GNLY: variants seen among roughly 807,000 people sequenced by gnomAD.
The protein encoded by GNLY is granulysin, also known as T-cell activation protein 519.
GNLY carries 15 observed loss-of-function variants against 18.5 expected under a neutral mutation model. The observed-to-expected ratio is 0.81, with a 90% CI of 0.54 to 1.25. The LOEUF (loss-of-function observed/expected upper bound fraction) is 1.25, where lower values mean the gene tolerates loss of function less well. GNLY is among the 50% of genes most tolerant of loss of function. The probability of loss-of-function intolerance (pLI) is 0.00; values close to 1 mark genes in which losing one functional copy is unlikely to be tolerated. For missense variants in GNLY, 178 were observed against 186.9 expected, an observed-to-expected ratio of 0.95 and a Z score of 0.28; for synonymous variants, 77 against 74.9, an observed-to-expected ratio of 1.03 and a Z score of -0.14.
At chr2:85,698,350 G>A (rs1222682395) in intron 4 of GNLY, 2 of 764,250 alleles carry the variant, frequency 2.6e-6, no homozygotes, top group South Asian at 2.9e-5. Flanking sequence ...GCAGATCGGG[G>A]GTCCCCACCA....
chr2:85,697,766 A>G, intron 4 of GNLY, 89 bp downstream of exon 4: 2 of 859,648 alleles, frequency 2.3e-6, no homozygotes, highest in Non-Finnish European at 3.8e-6. Flanking sequence ...TTACTCCCCC[A>G]TCTCCCAGCT....
intron 4 of GNLY, among the ~76,000 whole-genome samples, chr2:85,698,003 A>G (rs564541997): frequency 3.3e-5 from 5 of 152,358 alleles, no homozygotes; most frequent in African/African-American, 1.2e-4. Flanking sequence ...TGAGAATTGA[A>G]GGAGGTCACC....
At chr2:85,696,104 G>T in intron 3 of GNLY, 48 bp downstream of exon 3, 1 of 1,097,134 alleles carries the variant, frequency 9.1e-7, no homozygotes, top group East Asian at 2.4e-5. Context: ...TCAATGGAGG[G>T]GCCAGCCTGT....
chr2:85,695,311 C>A lies in GNLY; in HGVS notation c.53-9C>A. The A allele has an allele frequency of 1.9e-6, 3 of 1,585,658 alleles. No individual in the cohort carries two copies. The highest frequency in any genetic ancestry group is 2.6e-6 in the Non-Finnish European group (3 of 1,153,962). On this transcript the variant is annotated splice_polypyrimidine_tract_variant and intron_variant, in intron 1 of 4. Coordinates refer to ENST00000263863, the MANE Select transcript of GNLY (RefSeq NM_006433.5). ...TGCGGAGGGGAAGCTGAAGTCTGGT[C>A]TTCCTCAGGTCTGGTCTTCTCTCGT...
intron 3 of GNLY, 48 bp from the exon 4 acceptor site, chr2:85,697,458 G>T: frequency 6.5e-7 from 1 of 1,549,694 alleles, no homozygotes; most frequent in African/African-American, 1.4e-5. Flanking sequence ...GGCAGAGCTG[G>T]GCAGGACTCA....
At position 85,694,379 on chromosome 2, in the gene GNLY, T is replaced by A. The variant is rs778527786; in HGVS notation, c.-40T>A. 1.9e-6 allele frequency: 3 copies of A among 1,597,598 alleles called. No individual in the cohort carries two copies. Among genetic ancestry groups the A allele is most frequent in the Non-Finnish European group, 2.6e-6 (3 of 1,165,260 alleles). ...GATTAAGCTGCAGGCTCCCTGCCCATAAAACAGGGTGTGAAAGGCATCTCA... is the reference window on the plus strand; with the variant it reads ...GATTAAGCTGCAGGCTCCCTGCCCAAAAAACAGGGTGTGAAAGGCATCTCA... On this transcript the variant is annotated 5_prime_UTR_variant, in exon 1 of 5. Transcript: ENST00000263863.
chr2:85,697,491 G>A lies in GNLY; in HGVS notation c.256-15G>A, dbSNP rs755892718. The A allele has an allele frequency of 6.2e-7, 1 of 1,610,968 alleles. No individual in the cohort carries two copies. Among genetic ancestry groups the A allele is most frequent in the South Asian group, 1.1e-5 (1 of 90,952 alleles). On this transcript the variant is annotated splice_polypyrimidine_tract_variant and intron_variant, in intron 3 of 4. Coordinates refer to ENST00000263863, the MANE Select transcript of GNLY (RefSeq NM_006433.5). ...TCACCCTATAACCATGTCCACTGTGGTGCTGCTGCTGCAGAGAAGTGTTTC... is the reference window on the plus strand; with the variant it reads ...TCACCCTATAACCATGTCCACTGTGATGCTGCTGCTGCAGAGAAGTGTTTC...
intron 3 of GNLY, 27 bp from the exon 4 acceptor site, chr2:85,697,479 A>G: frequency 1.2e-6 from 2 of 1,606,196 alleles, no homozygotes; most frequent in East Asian, 2.2e-5. Context: ...CCCTATAACC[A>G]TGTCCACTGT....
chr2:85,697,597 C>G lies in GNLY; in HGVS notation c.347C>G (p.Ser116Cys). ...AGAAATTTCATGAGGAGGTATCAGT[C>G]TAGAGTTACCCAGGGCCTCGTGGCC... ...VCRNFMRRYQ[S>C]RVTQGLVAGE... Residue 116 changes from serine to cysteine, a missense_variant, in exon 4 of 5, where the codon TCT (serine) becomes TGT (cysteine). Physicochemically the swap from Ser to Cys is moderately radical, Grantham distance 112. Transcript: ENST00000263863. 10 of 1,613,136 alleles carry G rather than the reference C, an allele frequency of 6.2e-6. No homozygotes were observed. The highest frequency in any genetic ancestry group is 7.6e-6 in the Non-Finnish European group (9 of 1,179,138).
Position 85,695,398 on chromosome 2 carries a change from C to T in GNLY, c.131C>T (p.Pro44Leu), listed in dbSNP as rs573832985. ...CTGCGTGATGAGGAGAAATCCTGCC[C>T]GTGCCTGGCCCAGGAGGGCCCCCAG... ...AHLRDEEKSCPCLAQEGPQGD... is the reference protein window; with the variant it reads ...AHLRDEEKSCLCLAQEGPQGD... The change falls in exon 2 of 5, where the codon CCG (proline) becomes CTG (leucine). Residue 44 changes from proline to leucine, a missense_variant. Transcript: ENST00000263863. 5.8e-5 allele frequency: 94 copies of T among 1,612,288 alleles called. No individual in the cohort carries two copies. The highest frequency in any genetic ancestry group is 3.3e-4 in the Middle Eastern group (2 of 6,056).
chr2:85,696,081 T>A, intron 3 of GNLY, 25 bp downstream of exon 3: 1 of 1,305,982 alleles, frequency 7.7e-7, no homozygotes, highest in Non-Finnish European at 1.1e-6. Flanking sequence ...CTACAGAGCC[T>A]CCTGTCTGCT....
chr2:85,695,915 A>C (rs915328165), intron 2 of GNLY, 43 bp from the exon 3 acceptor site: 2 of 1,171,270 alleles, frequency 1.7e-6, no homozygotes, highest in African/African-American at 3.0e-5. Context: ...ACGCGCTCCC[A>C]GAGTGTCTGA....
At chr2:85,695,192 C>T (rs1239533657) in intron 1 of GNLY, 128 bp from the exon 2 acceptor site, 1 of 819,022 alleles carries the variant, frequency 1.2e-6, no homozygotes, top group Non-Finnish European at 2.0e-6. Context: ...GACAGGTATC[C>T]TGGCCCCCTG....
Position 85,694,447 on chromosome 2 carries a change from C to T in GNLY, c.29C>T (p.Ala10Val), listed in dbSNP as rs200705717. MATWALLLLAAMLLGNPGLV... is the reference protein window; with the variant it reads MATWALLLLVAMLLGNPGLV... ...GCTACCTGGGCCCTCCTGCTCCTTGCAGCCATGCTCCTGGGCAACCCAGGT... is the reference window on the plus strand; with the variant it reads ...GCTACCTGGGCCCTCCTGCTCCTTGTAGCCATGCTCCTGGGCAACCCAGGT... The change falls in exon 1 of 5, where the codon GCA becomes GTA. Residue 10 changes from alanine (A) to valine (V), a missense_variant. Ala to Val is a moderately conservative substitution (Grantham distance 64). Coordinates refer to ENST00000263863, the MANE Select transcript of GNLY (RefSeq NM_006433.5). 1.3e-4 allele frequency: 205 copies of T among 1,614,104 alleles called. 1 individual carries two copies. Among genetic ancestry groups the T allele is most frequent in the Non-Finnish European group, 8.5e-6 (10 of 1,179,980 alleles).
At chr2:85,695,453 C>A in intron 2 of GNLY, 30 bp downstream of exon 2, 2 of 1,298,738 alleles carry the variant, frequency 1.5e-6, no homozygotes, top group Non-Finnish European at 2.2e-6. Flanking sequence ...TCACCTGCCA[C>A]AGTCCCTCTC....
chr2:85,697,517 C>T lies in GNLY; in HGVS notation c.267C>T (p.Ser89=), dbSNP rs749023574. The T allele has an allele frequency of 6.2e-7, 1 of 1,612,440 alleles. No homozygotes were observed. Among genetic ancestry groups the T allele is most frequent in the Non-Finnish European group, 8.5e-7 (1 of 1,179,860 alleles). ...TGCTGCTGCTGCAGAGAAGTGTTTC[C>T]AATGCTGCGACCCGGGTGTGTAGGA... is the stretch of plus-strand genomic sequence containing the variant. ...MVDKPTQRSV[S]NAATRVCRTG... is the part of the protein sequence containing the mutation. The change falls in exon 4 of 5, where the codon TCC becomes TCT. Residue 89 remains serine (S), a synonymous_variant. Transcript: ENST00000263863.
At chr2:85,698,070 T>G (rs2104449002) in intron 4 of GNLY, among the ~76,000 whole-genome samples, 1 of 152,342 alleles carries the variant, frequency 6.6e-6, no homozygotes, top group South Asian at 2.1e-4. Flanking sequence ...TTCAAGGTCA[T>G]CAGACCCTCA....
intron 1 of GNLY, 87 bp from the exon 2 acceptor site, chr2:85,695,233 C>A: frequency 2.0e-6 from 2 of 981,326 alleles, no homozygotes; most frequent in South Asian, 2.7e-5. Context: ...AGGCCCTGGT[C>A]ACCTCCTGGA....
intron 2 of GNLY, 21 bp from the exon 3 acceptor site, chr2:85,695,936 TA>T (rs1678428633): frequency 6.9e-7 from 1 of 1,443,422 alleles, no homozygotes; most frequent in Admixed American, 1.7e-5. Flanking sequence ...GAGACCATCA[TA>T]AGGGCTTTCT....
Sources: gnomAD v4.1 joint callset for allele counts (sites outside exome capture counted in the v4.1 genomes callset) on GRCh38, gnomAD v4.1.1 for gene constraint, MANE v1.5 for transcripts, NCBI Gene and HGNC (gene_info 2026-07-23, HGNC 2026-07-21) for gene names.